ZNF536: variants seen among roughly 807,000 people sequenced by gnomAD.
ZNF536 encodes the protein zinc finger protein 536.
ZNF536 carries 13 observed loss-of-function variants against 84.5 expected under a neutral mutation model. The observed-to-expected ratio is 0.15, with a 90% CI of 0.10 to 0.24. ZNF536 has a LOEUF of 0.24. Among genes scored for constraint, ZNF536 ranks in the 10% least tolerant of loss-of-function variants. The probability of loss-of-function intolerance (pLI) is 1.00; values close to 1 mark genes in which losing one functional copy is unlikely to be tolerated. For synonymous variants in ZNF536, 811 were observed against 742.5 expected (o/e 1.09, Z -1.50); for missense variants, 1,536 against 1,747.5 (o/e 0.88, Z 2.16).
At chr19:30,563,522 T>A (rs1391919598) in intron 1 of ZNF536, among the ~76,000 whole-genome samples, 1 of 152,236 alleles carries the variant, frequency 6.6e-6, no homozygotes, top group Non-Finnish European at 1.5e-5. Flanking sequence ...AACTGTCCTT[T>A]CTAAATGATA....
intron 2 of ZNF536, among the ~76,000 whole-genome samples, chr19:30,466,148 A>G (rs2053380696): frequency 6.6e-6 from 1 of 151,828 alleles, no homozygotes; most frequent in Non-Finnish European, 1.5e-5. Flanking sequence ...ATTGGAGCCC[A>G]GGAGGTAGAG....
chr19:30,371,363 A>G (rs758266268), upstream of ZNF536, among the ~76,000 whole-genome samples: 2 of 152,166 alleles, frequency 1.3e-5, no homozygotes, highest in Non-Finnish European at 2.9e-5. Flanking sequence ...CCAGTATGTT[A>G]ATTAGCATTC....
chr19:30,662,074 A>C (rs79576743), intron 1 of ZNF536, among the ~76,000 whole-genome samples: 1 of 152,218 alleles, frequency 6.6e-6, no homozygotes, highest in Admixed American at 6.5e-5. Context: ...CAACTTTCCC[A>C]AAAATAGCAC....
At chr19:30,486,082 T>C (rs2054292399) in intron 2 of ZNF536, among the ~76,000 whole-genome samples, 1 of 152,064 alleles carries the variant, frequency 6.6e-6, no homozygotes, top group Non-Finnish European at 1.5e-5. Flanking sequence ...TTTTCTTTCT[T>C]TTTTTTTCTT....
chr19:30,482,264 C>T (rs764493126), intron 2 of ZNF536, among the ~76,000 whole-genome samples: 22 of 152,144 alleles, frequency 1.4e-4, no homozygotes, highest in Non-Finnish European at 2.8e-4. Context: ...TTCTGTTTTC[C>T]ACAGTGGTTG....
chr19:30,391,710 A>AG (rs1346736432), intron 1 of ZNF536, among the ~76,000 whole-genome samples: 1 of 152,216 alleles, frequency 6.6e-6, no homozygotes, highest in Non-Finnish European at 1.5e-5. Flanking sequence ...AGAGAAAGAG[A>AG]GAAAAAGGTA....
intron 1 of ZNF536, among the ~76,000 whole-genome samples, chr19:30,651,269 C>G (rs1320470318): frequency 6.6e-6 from 1 of 152,154 alleles, no homozygotes; most frequent in Non-Finnish European, 1.5e-5. Context: ...AACCAGGTAG[C>G]AAATGTTGCC....
intron 2 of ZNF536, among the ~76,000 whole-genome samples, chr19:30,446,922 C>T (rs1379257493): frequency 6.6e-6 from 1 of 152,180 alleles, no homozygotes; most frequent in African/African-American, 2.4e-5. Context: ...ATTTCCAAAG[C>T]CCCTTACTAA....
intron 1 of ZNF536, among the ~76,000 whole-genome samples, chr19:30,423,057 C>A (rs1191528881): frequency 1.9e-5 from 2 of 105,956 alleles, no homozygotes; most frequent in African/African-American, 7.5e-5. Flanking sequence ...ACACATCCAT[C>A]CATCCATCCT....
chr19:30,425,473 C>T (rs763351427), intron 1 of ZNF536, among the ~76,000 whole-genome samples: 13 of 152,194 alleles, frequency 8.5e-5, no homozygotes, highest in Non-Finnish European at 2.9e-5. Context: ...GGTTCAGCCT[C>T]AGGTGCTGTT....
At chr19:30,430,210 C>T (rs1189825926) in intron 1 of ZNF536, among the ~76,000 whole-genome samples, 1 of 152,214 alleles carries the variant, frequency 6.6e-6, no homozygotes, top group Admixed American at 6.5e-5. Context: ...CCCGGCATCC[C>T]CGCTTTCTCC....
rs187660220 is a variant in ZNF536 at position 30,374,190 on chromosome 19, T to G, written c.-3+1634T>G. ...TGCCCTGGAGTGTATAAAGAAAGAGTTTTTTTTTCAATAAGAAAAGTAGTT... is the reference window on the plus strand; with the variant it reads ...TGCCCTGGAGTGTATAAAGAAAGAGGTTTTTTTTCAATAAGAAAAGTAGTT... On this transcript the variant is annotated intron_variant, in intron 1 of 4. Coordinates refer to ENST00000355537, the MANE Select transcript of ZNF536 (RefSeq NM_014717.3). 4.7e-3 allele frequency among the ~76,000 whole-genome samples: 707 copies of G among 150,248 alleles called. 9 individuals are homozygous for G. Among genetic ancestry groups the G allele is most frequent in the African/African-American group, 0.016 (659 of 41,076 alleles).
At chr19:30,708,052 G>T (rs1378945968) in intron 1 of ZNF536, among the ~76,000 whole-genome samples, 1 of 149,622 alleles carries the variant, frequency 6.7e-6, no homozygotes, top group Non-Finnish European at 1.5e-5. Context: ...TAATTCCTTA[G>T]AAAAAGGCAA....
intron 1 of ZNF536, among the ~76,000 whole-genome samples, chr19:30,258,957 A>T (rs2025051545): frequency 6.6e-6 from 1 of 152,086 alleles, no homozygotes; most frequent in Non-Finnish European, 1.5e-5. Context: ...ACCTCAAGTG[A>T]TCTGCCTGCC....
chr19:30,636,716 T>C (rs934778740), intron 1 of ZNF536, among the ~76,000 whole-genome samples: 1 of 152,164 alleles, frequency 6.6e-6, no homozygotes, highest in Non-Finnish European at 1.5e-5. Context: ...ATTTTGGTCA[T>C]GGAAGCACAT....
At chr19:30,700,333 C>T (rs2051883880) in intron 1 of ZNF536, among the ~76,000 whole-genome samples, 1 of 142,666 alleles carries the variant, frequency 7.0e-6, no homozygotes, top group Non-Finnish European at 1.5e-5. Context: ...TCCCTCCTTC[C>T]TCCCTCCCTC....
At chr19:30,268,268 G>A (rs1482638568) in intron 1 of ZNF536, among the ~76,000 whole-genome samples, 1 of 152,058 alleles carries the variant, frequency 6.6e-6, no homozygotes, top group Non-Finnish European at 1.5e-5. Context: ...AGTAAATTTA[G>A]GATTCTTACT....
intron 2 of ZNF536, among the ~76,000 whole-genome samples, chr19:30,333,077 C>T (rs530444139): frequency 1.1e-4 from 16 of 152,262 alleles, no homozygotes; most frequent in Admixed American, 6.5e-4. Flanking sequence ...GTCCCATTTT[C>T]GACCTTCTGC....
intron 1 of ZNF536, among the ~76,000 whole-genome samples, chr19:30,401,723 G>A (rs2050055085): frequency 6.6e-6 from 1 of 152,152 alleles, no homozygotes; most frequent in Non-Finnish European, 1.5e-5. Flanking sequence ...AAAGGTAACT[G>A]GAGAAGATGA....
Sources: allele counts gnomAD v4.1 joint callset (sites outside exome capture counted in the v4.1 genomes callset), GRCh38; gene constraint gnomAD v4.1.1; transcripts MANE v1.5; gene names NCBI Gene and HGNC (gene_info 2026-07-23, HGNC 2026-07-21).